RUFY3: variants seen among roughly 807,000 people sequenced by gnomAD.
RUFY3 encodes the protein RUN and FYVE domain containing 3.
RUFY3 carries 34 observed loss-of-function variants against 84.0 expected under a neutral mutation model. The observed-to-expected ratio is 0.40, with a 90% CI of 0.31 to 0.54. The LOEUF (loss-of-function observed/expected upper bound fraction) is 0.54, where lower values mean the gene tolerates loss of function less well. Ranked by LOEUF, RUFY3 falls within the 20% of genes least tolerant of loss-of-function variation. The pLI, the probability that RUFY3 is intolerant of heterozygous loss-of-function variation, is 0.39. For synonymous variants in RUFY3, 242 were observed against 252.9 expected (o/e 0.96, Z 0.41); for missense variants, 507 against 736.8 (o/e 0.69, Z 3.61).
upstream of RUFY3, among the ~76,000 whole-genome samples, chr4:70,718,072 A>C (rs1175668419): frequency 1.3e-5 from 2 of 151,380 alleles, no homozygotes; most frequent in African/African-American, 4.9e-5. Context: ...TTTAGTAGAG[A>C]CGGGGTTTCA....
At chr4:70,759,372 A>ATGTGTG (rs56698934) in intron 1 of RUFY3, among the ~76,000 whole-genome samples, 52 of 146,986 alleles carry the variant, frequency 3.5e-4, no homozygotes, top group Admixed American at 1.5e-3. Context: ...GTGTGTGTGT[A>ATGTGTG]TGTGTGTGTG....
intron 1 of RUFY3, among the ~76,000 whole-genome samples, chr4:70,740,385 G>A (rs993002885): frequency 2.0e-5 from 3 of 152,194 alleles, no homozygotes; most frequent in African/African-American, 7.2e-5. Flanking sequence ...CCAAGGAAAA[G>A]TCCGAGATCC....
At chr4:70,770,807 G>A (rs1215184798) in intron 5 of RUFY3, among the ~76,000 whole-genome samples, 2 of 152,088 alleles carry the variant, frequency 1.3e-5, no homozygotes, top group African/African-American at 2.4e-5. Flanking sequence ...CTTCTCTTTC[G>A]ACATGCCTTC....
intron 8 of RUFY3, 138 bp downstream of exon 8, chr4:70,778,576 T>A: frequency 3.6e-6 from 1 of 279,736 alleles, no homozygotes; most frequent in Non-Finnish European, 6.3e-6. Flanking sequence ...TCTTATTCTT[T>A]TTTTTTTTTT....
intron 1 of RUFY3, among the ~76,000 whole-genome samples, chr4:70,756,368 A>G (rs888769452): frequency 6.6e-6 from 1 of 152,146 alleles, no homozygotes; most frequent in African/African-American, 2.4e-5. Flanking sequence ...CTAAAATTCA[A>G]ATTTGTGACA....
chr4:70,729,698 C>A (rs76612931), intron 1 of RUFY3, among the ~76,000 whole-genome samples: 9,373 of 152,238 alleles, frequency 0.062, 369 homozygotes, highest in East Asian at 0.098. Context: ...GCTGAAGCCA[C>A]AGCAGTTTAA....
At chr4:70,745,312 T>C (rs937894856) in intron 1 of RUFY3, among the ~76,000 whole-genome samples, 21 of 152,340 alleles carry the variant, frequency 1.4e-4, no homozygotes, top group African/African-American at 5.0e-4. Flanking sequence ...TACTAGAATA[T>C]GAAGTGTCTT....
chr4:70,769,594 C>T (rs1726605421), intron 5 of RUFY3, among the ~76,000 whole-genome samples: 1 of 152,148 alleles, frequency 6.6e-6, no homozygotes, highest in Non-Finnish European at 1.5e-5. Context: ...AATAAGACAA[C>T]AATGAAGTTT....
At chr4:70,775,946 A>AAAAAACAAAAAAAC (rs1727884059) in intron 7 of RUFY3, among the ~76,000 whole-genome samples, 1 of 137,958 alleles carries the variant, frequency 7.2e-6, no homozygotes, top group African/African-American at 2.9e-5. Flanking sequence ...GTCTTAAACA[A>AAAAAACAAAAAAAC]AAAAAAAAAA....
At chr4:70,797,624 C>A (rs1731694928) in intron 14 of RUFY3, among the ~76,000 whole-genome samples, 1 of 151,822 alleles carries the variant, frequency 6.6e-6, no homozygotes, top group Non-Finnish European at 1.5e-5. Flanking sequence ...GTGGGCAGAT[C>A]ATGAGGTCAA....
chr4:70,788,159 C>A (rs972880354), intron 10 of RUFY3, among the ~76,000 whole-genome samples: 11 of 152,006 alleles, frequency 7.2e-5, no homozygotes, highest in Non-Finnish European at 2.9e-5. Flanking sequence ...GTGGCATGCA[C>A]CCGTAGTCCC....
At chr4:70,773,607 G>A (rs923386804) in intron 6 of RUFY3, 35 bp downstream of exon 6, 24 of 1,469,994 alleles carry the variant, frequency 1.6e-5, no homozygotes, top group Non-Finnish European at 2.2e-5. Flanking sequence ...CTTTTCTCCT[G>A]ATGTAGCATT....
chr4:70,708,027 G>C (rs1396864622), intron 1 of RUFY3, among the ~76,000 whole-genome samples: 1 of 152,178 alleles, frequency 6.6e-6, no homozygotes, highest in Non-Finnish European at 1.5e-5. Context: ...GGGAGACTAA[G>C]GTGAAGGATC....
At chr4:70,712,382 C>T (rs1741093013) in intron 1 of RUFY3, among the ~76,000 whole-genome samples, 1 of 152,110 alleles carries the variant, frequency 6.6e-6, no homozygotes, top group Admixed American at 6.6e-5. Context: ...AATCACTGTA[C>T]GTTCCCTCAC....
At position 70,768,668 on chromosome 4, in the gene RUFY3, GAA is replaced by G; in HGVS notation, c.696+9_696+10del. 1 of 1,612,960 alleles carries G rather than the reference GAA, an allele frequency of 6.2e-7. No homozygotes were observed. Among genetic ancestry groups the G allele is most frequent in the Non-Finnish European group, 8.5e-7 (1 of 1,179,608 alleles). On this transcript the variant is annotated splice_region_variant and intron_variant, in intron 5 of 17. Coordinates refer to ENST00000381006, the MANE Select transcript of RUFY3 (RefSeq NM_001037442.4). ...AGAAGACTTGGACTCTCAGGTATGG[GAA>G]AGAGACTCATTCCCATGGGTGTCAC...
rs1732420606 is a variant in RUFY3 at position 70,802,980 on chromosome 4, A to T, written c.1647A>T (p.Glu549Asp). Residue 549 changes from glutamate (E) to aspartate (D), a missense_variant, in exon 16 of 18, where the codon GAA becomes GAT. Physicochemically the swap from Glu to Asp is conservative, Grantham distance 45. Transcript: ENST00000381006. Reference sequence around the variant, plus strand: ...GGCTGCAACCCCACCCTATGGATGAACAGGTAACAGAGCCTCCTGTTTCAA... The same window carrying T: ...GGCTGCAACCCCACCCTATGGATGATCAGGTAACAGAGCCTCCTGTTTCAA... Reference protein sequence around the residue: ...SHRLQPHPMDEQDQLLLSEKP... With the variant: ...SHRLQPHPMDDQDQLLLSEKP... 6.2e-7 allele frequency: 1 copy of T among 1,608,356 alleles called. No individual in the cohort carries two copies. The highest frequency in any genetic ancestry group is 1.7e-5 in the Admixed American group (1 of 58,858).
chr4:70,765,258 TA>T (rs1725694386), intron 4 of RUFY3, among the ~76,000 whole-genome samples: 1 of 150,996 alleles, frequency 6.6e-6, no homozygotes, highest in Non-Finnish European at 1.5e-5. Context: ...CAGTAGATCA[TA>T]GATACAACTG....
intron 1 of RUFY3, among the ~76,000 whole-genome samples, chr4:70,708,800 T>G (rs1199570306): frequency 1.3e-5 from 2 of 152,112 alleles, no homozygotes; most frequent in Non-Finnish European, 2.9e-5. Context: ...ATCCCAGCAC[T>G]TTGGGAGGCC....
At chr4:70,757,558 C>G (rs562673513) in intron 1 of RUFY3, among the ~76,000 whole-genome samples, 7 of 152,188 alleles carry the variant, frequency 4.6e-5, no homozygotes, top group African/African-American at 1.7e-4. Flanking sequence ...GAGCCAAGAT[C>G]GCGCCATTGC....
Sources: allele counts gnomAD v4.1 joint callset (sites outside exome capture counted in the v4.1 genomes callset), GRCh38; gene constraint gnomAD v4.1.1; transcripts MANE v1.5; gene names NCBI Gene and HGNC (gene_info 2026-07-23, HGNC 2026-07-21).